The following CACNG2 variants were observed in gnomAD, a reference collection of about 807,000 sequenced individuals.
CACNG2 encodes voltage-dependent calcium channel gamma-2 subunit.
In CACNG2, 3 loss-of-function variants were observed where a neutral mutation model predicts 25.9. The observed-to-expected ratio is 0.12, with a 90% CI of 0.05 to 0.30. The LOEUF is 0.30. CACNG2 is among the 10% of genes least tolerant of loss of function. CACNG2 has a pLI of 1.00. For synonymous variants in CACNG2, 167 were observed against 173.3 expected (o/e 0.96, Z 0.29); for missense variants, 341 against 432.5 (o/e 0.79, Z 1.88).
Position 36,606,138 on chromosome 22 carries a change from G to A in CACNG2, c.212-18590C>T, listed in dbSNP as rs1421107989. On this transcript the variant is annotated intron_variant, in intron 1 of 3. Coordinates refer to ENST00000300105, the MANE Select transcript of CACNG2 (RefSeq NM_006078.5). The surrounding 1 kb of genome is among the most constrained non-coding windows in gnomAD (Gnocchi z 5.7). ...AATTTTTATCAAGTGGTTACTAGGT[G>A]TTGGTGTTGAGCTAGGTTCCACAGC... Among the ~76,000 whole-genome samples the A allele has an allele frequency of 2.0e-5, 3 of 152,216 alleles. No individual in the cohort carries two copies. Among genetic ancestry groups the A allele is most frequent in the Non-Finnish European group, 2.9e-5 (2 of 68,042 alleles).
Position 36,563,455 on chromosome 22 carries a change from G to A in CACNG2, c.*896C>T, listed in dbSNP as rs1436447117. On this transcript the variant is annotated 3_prime_UTR_variant, in exon 4 of 4. Transcript: ENST00000300105. ...TCACCCTGAGGATTCCGGGGTTTCC[G>A]GCATCTTGGTAAGCCACCGGCAGCC... Among the ~76,000 whole-genome samples the A allele has an allele frequency of 1.3e-5, 2 of 152,118 alleles. No homozygotes were observed. The highest frequency in any genetic ancestry group is 1.9e-4 in the East Asian group (1 of 5,164).
intron 2 of CACNG2, among the ~76,000 whole-genome samples, chr22:36,568,643 G>T (rs1659424581): frequency 6.6e-6 from 1 of 152,106 alleles, no homozygotes; most frequent in South Asian, 2.1e-4. Context: ...GACCTCAAGT[G>T]ATCTGCCCGC....
intron 1 of CACNG2, among the ~76,000 whole-genome samples, chr22:36,615,672 G>A (rs760608471): frequency 6.6e-6 from 1 of 152,120 alleles, no homozygotes; most frequent in Admixed American, 6.5e-5. Context: ...CCATTAGAAT[G>A]GACGATCCAC....
chr22:36,592,431 C>T (rs1030425934), intron 1 of CACNG2, among the ~76,000 whole-genome samples: 1 of 151,928 alleles, frequency 6.6e-6, no homozygotes, highest in African/African-American at 2.4e-5. Flanking sequence ...GGGTAAGACC[C>T]CGAATGAGGT....
intron 1 of CACNG2, among the ~76,000 whole-genome samples, chr22:36,690,209 A>G (rs1937251215): frequency 6.6e-6 from 1 of 152,210 alleles, no homozygotes; most frequent in South Asian, 2.1e-4. Flanking sequence ...GGTGGAGCGG[A>G]GCAGCCATGT....
chr22:36,586,650 G>A (rs1256116406), intron 2 of CACNG2, among the ~76,000 whole-genome samples: 1 of 152,226 alleles, frequency 6.6e-6, no homozygotes. Flanking sequence ...TTGGGAAGGG[G>A]AGGTGGCAGG....
In CACNG2 at chr22:36,637,401, GC is replaced by G. The variant is rs571896324; in HGVS notation, c.212-49854del. 2.1e-3 allele frequency among the ~76,000 whole-genome samples: 319 copies of G among 152,238 alleles called. 5 individuals are homozygous for G. Among genetic ancestry groups the G allele is most frequent in the African/African-American group, 7.2e-3 (299 of 41,544 alleles). ...TGGCAGGCTGTTGCAAGCCTTCCTA[GC>G]AAGGCCAGCCTGCATTTTCTCTTTG... On this transcript the variant is annotated intron_variant, in intron 1 of 3. Coordinates refer to ENST00000300105, the MANE Select transcript of CACNG2 (RefSeq NM_006078.5).
rs1230664230 is a variant in CACNG2 at position 36,560,899 on chromosome 22, C to A, written c.*3452G>T. On this transcript the variant is annotated 3_prime_UTR_variant, in exon 4 of 4. Coordinates refer to ENST00000300105, the MANE Select transcript of CACNG2 (RefSeq NM_006078.5). ...AAAAAAAAAATCTTTATTTCATGTA[C>A]CAGGATTTTTTTTTTCAGTTTTCTG... is the stretch of plus-strand genomic sequence containing the variant. The A allele has an allele frequency of 2.0e-5, 3 of 150,326 alleles. No individual in the cohort carries two copies. Among genetic ancestry groups the A allele is most frequent in the Admixed American group, 6.6e-5 (1 of 15,116 alleles). The allele number at this position is 150,326 out of a possible 1,614,324, so 9.3% of individuals were successfully genotyped here.
rs370304885 is a variant in CACNG2 at position 36,676,181 on chromosome 22, T to G, written c.211+26185A>C. ...CTTGGGGGTATTTGCTGCCCCAATA[T>G]GGGTTTTCACAGACACATTTGATCT... is the stretch of plus-strand genomic sequence containing the variant. On this transcript the variant is annotated intron_variant, in intron 1 of 3. Transcript: ENST00000300105. Among the ~76,000 whole-genome samples, 10 of 152,324 alleles carry G rather than the reference T, an allele frequency of 6.6e-5. 1 individual carries two copies. The highest frequency in any genetic ancestry group is 6.2e-4 in the South Asian group (3 of 4,830).
rs1429360555 is a variant in CACNG2 at position 36,683,135 on chromosome 22, T to C, written c.211+19231A>G. ...TCTTTCTTTCCTGGCATCTCATTGC[T>C]GTATAGACAAGATATTCTGTGATTT... is the stretch of plus-strand genomic sequence containing the variant. On this transcript the variant is annotated intron_variant, in intron 1 of 3. Transcript: ENST00000300105. Among the ~76,000 whole-genome samples, 3 of 152,374 alleles carry C rather than the reference T, an allele frequency of 2.0e-5. No individual in the cohort carries two copies. In the East Asian group the frequency reaches 5.8e-4, roughly 29 times the overall value.
chr22:36,578,927 G>A (rs1935368888), intron 2 of CACNG2, among the ~76,000 whole-genome samples: 1 of 152,140 alleles, frequency 6.6e-6, no homozygotes. Context: ...GTGGGGAGAA[G>A]ATTCCGTAAC....
intron 1 of CACNG2, among the ~76,000 whole-genome samples, chr22:36,685,718 G>A (rs1937187539): frequency 6.6e-6 from 1 of 152,254 alleles, no homozygotes; most frequent in Non-Finnish European, 1.5e-5. Flanking sequence ...GCTGTTCCGG[G>A]ACCAAGGCGG....
chr22:36,629,717 C>T (rs1936238727), intron 1 of CACNG2, among the ~76,000 whole-genome samples: 1 of 152,080 alleles, frequency 6.6e-6, no homozygotes, highest in Non-Finnish European at 1.5e-5. Flanking sequence ...TCATTCAGCA[C>T]ATATATTGAG....
intron 1 of CACNG2, among the ~76,000 whole-genome samples, chr22:36,700,695 G>T (rs1043343539): frequency 1.3e-5 from 2 of 152,116 alleles, no homozygotes; most frequent in African/African-American, 2.4e-5. Flanking sequence ...TTAAGGAGGG[G>T]GCGTGTGTGT....
intron 2 of CACNG2, among the ~76,000 whole-genome samples, chr22:36,577,077 C>A (rs144070665): frequency 7.9e-4 from 120 of 152,038 alleles, no homozygotes; most frequent in African/African-American, 2.8e-3. Context: ...GTGACCTGGT[C>A]CCCCGGGGGC....
chr22:36,690,896 A>C (rs1342842845), intron 1 of CACNG2, among the ~76,000 whole-genome samples: 1 of 152,208 alleles, frequency 6.6e-6, no homozygotes, highest in African/African-American at 2.4e-5. Flanking sequence ...AACATTGAGC[A>C]ATCTCACCGT....
intron 1 of CACNG2, among the ~76,000 whole-genome samples, chr22:36,680,011 A>G (rs554686666): frequency 7.4e-4 from 113 of 151,894 alleles, no homozygotes; most frequent in Non-Finnish European, 1.2e-3. Flanking sequence ...GATCACCACC[A>G]CCTGCACCAT....
rs557696528 is a variant in CACNG2 at position 36,639,401 on chromosome 22, G to A, written c.212-51853C>T. The stretch of plus-strand genomic sequence containing the variant: ...TGCCACAGAGGCATCTGGACAGGAG[G>A]GGAAAGCGTTTTGGGTAGAGGGAAG... On this transcript the variant is annotated intron_variant, in intron 1 of 3. Transcript: ENST00000300105. 1.3e-4 allele frequency among the ~76,000 whole-genome samples: 20 copies of A among 152,310 alleles called. No individual in the cohort carries two copies. The South Asian group carries it at 4.1e-3, about 32-fold the overall frequency.
At chr22:36,661,444 T>C (rs988805012) in intron 1 of CACNG2, among the ~76,000 whole-genome samples, 2 of 152,172 alleles carry the variant, frequency 1.3e-5, no homozygotes, top group Admixed American at 1.3e-4. Context: ...CTCATGCTTA[T>C]GGGAATGGGA....
Sources: allele counts gnomAD v4.1 joint callset (sites outside exome capture counted in the v4.1 genomes callset), GRCh38; gene constraint gnomAD v4.1.1; non-coding constraint Gnocchi (gnomAD v3.1); transcripts MANE v1.5; gene names NCBI Gene and HGNC (gene_info 2026-07-23, HGNC 2026-07-21).